The following PLEKHH2 variants were observed in gnomAD, a reference collection of about 807,000 sequenced individuals.
PLEKHH2 encodes pleckstrin homology, MyTH4 and FERM domain containing H2.
Under a neutral mutation model 187.9 loss-of-function variants are expected in PLEKHH2, and 129 were observed. That is an observed-to-expected ratio of 0.69 (90% CI 0.59 to 0.79). PLEKHH2 has a LOEUF of 0.79. Among genes scored for constraint, PLEKHH2 ranks in the 30% least tolerant of loss-of-function variants. The pLI is 0.00. For missense variants in PLEKHH2, 2,076 were observed against 1,751.2 expected, an observed-to-expected ratio of 1.19 and a Z score of -3.31; for synonymous variants, 686 against 605.6, an observed-to-expected ratio of 1.13 and a Z score of -1.95.
chr2:43,675,680 A>G, intron 2 of PLEKHH2: 1 of 1,613,970 alleles, frequency 6.2e-7, no homozygotes, highest in Non-Finnish European at 8.5e-7. Context: ...TTATCTTCAG[A>G]TAACTTCCAA....
chr2:43,700,656 A>C, intron 8 of PLEKHH2, 48 bp downstream of exon 8: 1 of 1,539,808 alleles, frequency 6.5e-7, no homozygotes, highest in South Asian at 1.2e-5. Context: ...TTTTTTCTCA[A>C]CACTTTTTTT....
intron 3 of PLEKHH2, among the ~76,000 whole-genome samples, chr2:43,682,497 G>A (rs1054033143): frequency 6.6e-6 from 1 of 151,964 alleles, no homozygotes; most frequent in East Asian, 1.9e-4. Context: ...TAGAGAGATG[G>A]GGTTTCACCA....
In PLEKHH2 at chr2:43,695,175, C is replaced by A; in HGVS notation, c.453C>A (p.Ile151=). The A allele has an allele frequency of 6.3e-7, 1 of 1,598,438 alleles. No homozygotes were observed. Residue 151 remains isoleucine (I), a synonymous_variant, in exon 6 of 30, where the codon ATC becomes ATA. Transcript: ENST00000282406. ...TGGAGAATCAGAATCTTCGTTTGAT[C>A]AACCAAAACCAAACTGAAGAGATAA... ...LELENQNLRL[I]NQNQTEEIRT...
intron 8 of PLEKHH2, among the ~76,000 whole-genome samples, chr2:43,703,037 T>G (rs1033511107): frequency 1.3e-5 from 2 of 152,174 alleles, no homozygotes; most frequent in Non-Finnish European, 2.9e-5. Context: ...TGTGGGTGTA[T>G]CTCACACTCA....
At position 43,765,625 on chromosome 2, in the gene PLEKHH2, C is replaced by T. The variant is rs752009750; in HGVS notation, c.*27C>T. ...AGCTGGGGAGCCTGAACATTCACTCCTTGTCCTCCATGCTGTGGCTGTATC... is the reference window on the plus strand; with the variant it reads ...AGCTGGGGAGCCTGAACATTCACTCTTTGTCCTCCATGCTGTGGCTGTATC... On this transcript the variant is annotated 3_prime_UTR_variant, in exon 30 of 30. Transcript: ENST00000282406. 1 of 1,604,888 alleles carries T rather than the reference C, an allele frequency of 6.2e-7. No individual in the cohort carries two copies. The highest frequency in any genetic ancestry group is 8.5e-7 in the Non-Finnish European group (1 of 1,176,016).
At chr2:43,713,725 A>T (rs1054831255) in intron 15 of PLEKHH2, among the ~76,000 whole-genome samples, 1 of 149,564 alleles carries the variant, frequency 6.7e-6, no homozygotes, top group Non-Finnish European at 1.5e-5. Context: ...AAAAAGTCCT[A>T]TTGGTCACTT....
chr2:43,676,169 C>A, intron 2 of PLEKHH2: 1 of 1,614,026 alleles, frequency 6.2e-7, no homozygotes. Context: ...TTTAAGAAAT[C>A]GTTCCTGTTA....
chr2:43,732,308 A>T (rs1306980178), intron 19 of PLEKHH2, among the ~76,000 whole-genome samples: 1 of 152,150 alleles, frequency 6.6e-6, no homozygotes, highest in African/African-American at 2.4e-5. Flanking sequence ...GGTTGCAGTG[A>T]GCTGAGATCA....
At chr2:43,685,887 C>G (rs935950320) in intron 3 of PLEKHH2, among the ~76,000 whole-genome samples, 2 of 152,202 alleles carry the variant, frequency 1.3e-5, no homozygotes, top group African/African-American at 2.4e-5. Flanking sequence ...GATTCATTCC[C>G]AAGTATCTAA....
chr2:43,676,049 T>C (rs1667757920), intron 2 of PLEKHH2: 2 of 1,613,894 alleles, frequency 1.2e-6, no homozygotes, highest in African/African-American at 2.7e-5. Context: ...CAGTGTTTGG[T>C]CCAGGTCTCT....
intron 6 of PLEKHH2, 111 bp from the exon 7 acceptor site, chr2:43,697,059 CT>C (rs1244477925): frequency 8.5e-6 from 7 of 821,644 alleles, no homozygotes; most frequent in African/African-American, 1.8e-5. Flanking sequence ...GAACTTTAGG[CT>C]TTTTTTCTGG....
chr2:43,638,404 T>C (rs1053929822), intron 1 of PLEKHH2, among the ~76,000 whole-genome samples: 4 of 152,218 alleles, frequency 2.6e-5, no homozygotes, highest in African/African-American at 9.6e-5. Flanking sequence ...AATAATTCTT[T>C]CATTTCTTTT....
chr2:43,731,397 C>A (rs1671029377), intron 18 of PLEKHH2, 93 bp from the exon 19 acceptor site: 4 of 825,046 alleles, frequency 4.8e-6, no homozygotes, highest in African/African-American at 3.6e-5. Flanking sequence ...GTGAGCCAAG[C>A]CTGAATGAGC....
chr2:43,679,894 A>G (rs1668080418), intron 3 of PLEKHH2, among the ~76,000 whole-genome samples: 1 of 152,144 alleles, frequency 6.6e-6, no homozygotes, highest in Admixed American at 6.5e-5. Flanking sequence ...ATGATCTTGA[A>G]CTACTGGCTT....
intron 3 of PLEKHH2, among the ~76,000 whole-genome samples, chr2:43,685,406 T>C (rs1432279): frequency 0.58 from 88,670 of 151,944 alleles, 26,693 homozygotes; most frequent in African/African-American, 0.71. Flanking sequence ...TCTTTATACT[T>C]AATGTTCTAG....
At position 43,638,819 on chromosome 2, in the gene PLEKHH2, T is replaced by C. The variant is rs572964341; in HGVS notation, c.-4+1440T>C. ...CAACAGTTGCTTTGTACTTGTTAAC[T>C]AACTGAAATTACAGAATGAAATGAG... On this transcript the variant is annotated intron_variant, in intron 1 of 29. Coordinates refer to ENST00000282406, the MANE Select transcript of PLEKHH2 (RefSeq NM_172069.4). 4.0e-5 allele frequency among the ~76,000 whole-genome samples: 6 copies of C among 149,990 alleles called. No homozygotes were observed. The South Asian group carries it at 1.3e-3, about 32-fold the overall frequency.
chr2:43,676,452 G>A, intron 2 of PLEKHH2: 1 of 680,578 alleles, frequency 1.5e-6, no homozygotes, highest in Non-Finnish European at 2.4e-6. Context: ...TCGCTTCTCG[G>A]TGGCGTAGAG....
intron 9 of PLEKHH2, among the ~76,000 whole-genome samples, chr2:43,705,251 C>CTTTT (rs5830767): frequency 0.12 from 11,101 of 95,620 alleles, 1,062 homozygotes; most frequent in African/African-American, 0.16. Context: ...AAATTTTATC[C>CTTTT]TTTTTTTTTT....
In PLEKHH2 at chr2:43,699,957, C is replaced by G. The variant is rs1358562642; in HGVS notation, c.999C>G (p.Ser333Arg). 1 of 1,613,994 alleles carries G rather than the reference C, an allele frequency of 6.2e-7. No individual in the cohort carries two copies. The highest frequency in any genetic ancestry group is 8.5e-7 in the Non-Finnish European group (1 of 1,180,020). ...EMYLTASDDS[S>R]SIFEEETFGI... is the part of the protein sequence containing the mutation. The stretch of plus-strand genomic sequence containing the variant: ...ATCTGACAGCATCTGATGACAGCAG[C>G]TCTATATTTGAGGAAGAGACTTTTG... The change falls in exon 8 of 30, where the codon AGC (serine) becomes AGG (arginine). Residue 333 changes from serine (S) to arginine (R), a missense_variant. By Grantham distance (110) the Ser-to-Arg change is moderately radical. Transcript: ENST00000282406.
Sources: gnomAD v4.1 joint callset for allele counts (sites outside exome capture counted in the v4.1 genomes callset) on GRCh38, gnomAD v4.1.1 for gene constraint, MANE v1.5 for transcripts, NCBI Gene and HGNC (gene_info 2026-07-23, HGNC 2026-07-21) for gene names.